The following PINX1 variants were observed in gnomAD, a reference collection of about 807,000 sequenced individuals.
The protein encoded by PINX1 is PIN2 (TERF1) interacting telomerase inhibitor 1.
PINX1 carries 34 observed loss-of-function variants against 25.4 expected under a neutral mutation model. The ratio of observed to expected loss-of-function variants is 1.34; its 90% confidence interval spans 1.02 to 1.78. PINX1 has a LOEUF of 1.78. Among genes scored for constraint, PINX1 ranks in the 40% most tolerant of loss-of-function variants. PINX1 has a pLI of 0.00. For synonymous variants in PINX1, 197 were observed against 147.7 expected, an observed-to-expected ratio of 1.33 and a Z score of -2.42; for missense variants, 592 against 404.9, an observed-to-expected ratio of 1.46 and a Z score of -3.97.
chr8:10,810,237 C>G (rs192965317), intron 6 of PINX1, among the ~76,000 whole-genome samples: 32 of 152,322 alleles, frequency 2.1e-4, no homozygotes, highest in African/African-American at 7.7e-4. Context: ...ATATCAGAAG[C>G]CTTCAGACAA....
chr8:10,779,830 T>A (rs954508713), intron 6 of PINX1, among the ~76,000 whole-genome samples: 1 of 152,128 alleles, frequency 6.6e-6, no homozygotes, highest in Non-Finnish European at 1.5e-5. Context: ...TGAAGACCAA[T>A]CTAGGAAGAA....
intron 6 of PINX1, among the ~76,000 whole-genome samples, chr8:10,807,833 G>C (rs1444034332): frequency 3.9e-5 from 6 of 152,150 alleles, no homozygotes; most frequent in Non-Finnish European, 7.4e-5. Flanking sequence ...AGCAAGGCTG[G>C]GGAAAAGTCC....
intron 6 of PINX1, among the ~76,000 whole-genome samples, chr8:10,776,717 C>A (rs889083235): frequency 6.6e-6 from 1 of 152,086 alleles, no homozygotes; most frequent in Non-Finnish European, 1.5e-5. Flanking sequence ...GAAGGGACCA[C>A]GAGGAAGGGG....
chr8:10,812,393 T>G (rs1291414455), intron 6 of PINX1, among the ~76,000 whole-genome samples: 2 of 152,188 alleles, frequency 1.3e-5, no homozygotes, highest in African/African-American at 2.4e-5. Context: ...TACTCCAGAA[T>G]GAGAGAAGGT....
In PINX1 at chr8:10,765,444, T is replaced by C; in HGVS notation, c.944A>G (p.Glu315Gly). 2 of 1,610,450 alleles carry C rather than the reference T, an allele frequency of 1.2e-6. No homozygotes were observed. Among genetic ancestry groups the C allele is most frequent in the Non-Finnish European group, 1.7e-6 (2 of 1,179,280 alleles). ...CTTCTTCTTTTTCACTAGCGTTTCTTCTAGTGTAGCGTCCTCTGCTATCTC... is the reference window on the plus strand; with the variant it reads ...CTTCTTCTTTTTCACTAGCGTTTCTCCTAGTGTAGCGTCCTCTGCTATCTC... ...PVEIAEDATL[E>G]ETLVKKKKKK... The change falls in exon 7 of 7, where the codon GAA becomes GGA. Residue 315 changes from glutamate (E) to glycine (G), a missense_variant. Physicochemically the swap from Glu to Gly is moderately conservative, Grantham distance 98 (BLOSUM62 -2). Coordinates refer to ENST00000314787, the MANE Select transcript of PINX1 (RefSeq NM_017884.6).
intron 6 of PINX1, among the ~76,000 whole-genome samples, chr8:10,794,846 A>G (rs1211118611): frequency 1.3e-5 from 2 of 152,190 alleles, no homozygotes; most frequent in East Asian, 1.9e-4. Context: ...AGTGACATCA[A>G]TATAACAAGT....
chr8:10,829,234 C>CAAGA (rs1320668683), intron 4 of PINX1, among the ~76,000 whole-genome samples: 1 of 133,164 alleles, frequency 7.5e-6, no homozygotes, highest in Non-Finnish European at 1.5e-5. Flanking sequence ...TGCGGTAAGC[C>CAAGA]AAGATTGTGC....
intron 6 of PINX1, among the ~76,000 whole-genome samples, chr8:10,794,698 G>C (rs899574892): frequency 3.3e-5 from 5 of 152,144 alleles, no homozygotes; most frequent in Admixed American, 1.3e-4. Context: ...AAAGTGCTGG[G>C]ATTACGGGCA....
intron 6 of PINX1, among the ~76,000 whole-genome samples, chr8:10,791,125 T>C (rs1801909421): frequency 6.6e-6 from 1 of 152,070 alleles, no homozygotes; most frequent in Non-Finnish European, 1.5e-5. Context: ...TGTTGGCCAG[T>C]CTGGTCTTGA....
intron 6 of PINX1, among the ~76,000 whole-genome samples, chr8:10,784,421 T>G (rs1346271973): frequency 6.6e-6 from 1 of 152,230 alleles, no homozygotes; most frequent in Non-Finnish European, 1.5e-5. Context: ...ACTTACAAGT[T>G]TCAGCGCTAC....
intron 6 of PINX1, among the ~76,000 whole-genome samples, chr8:10,781,853 T>C (rs1801596809): frequency 6.6e-6 from 1 of 152,016 alleles, no homozygotes; most frequent in South Asian, 2.1e-4. Context: ...CCAAAGCAAA[T>C]CAAATCACCT....
chr8:10,773,577 T>G (rs1801297308), intron 6 of PINX1, among the ~76,000 whole-genome samples: 1 of 152,160 alleles, frequency 6.6e-6, no homozygotes, highest in Non-Finnish European at 1.5e-5. Flanking sequence ...TGGCTGGACT[T>G]TAGTAGAGAA....
chr8:10,815,780 A>G (rs1797678237), intron 6 of PINX1, among the ~76,000 whole-genome samples: 1 of 152,236 alleles, frequency 6.6e-6, no homozygotes, highest in Non-Finnish European at 1.5e-5. Flanking sequence ...TGAAGTTATT[A>G]AGTAAATGAT....
chr8:10,819,648 T>C (rs1482995408), intron 6 of PINX1, among the ~76,000 whole-genome samples: 1 of 152,250 alleles, frequency 6.6e-6, no homozygotes, highest in Non-Finnish European at 1.5e-5. Context: ...TGTAGTTTAG[T>C]CACCCCATTC....
At chr8:10,807,469 T>A (rs2129082025) in intron 6 of PINX1, among the ~76,000 whole-genome samples, 1 of 152,058 alleles carries the variant, frequency 6.6e-6, no homozygotes, top group East Asian at 1.9e-4. Context: ...ACAGCTAATG[T>A]TCCAGAACTC....
At chr8:10,803,950 T>A (rs1802352960) in intron 6 of PINX1, among the ~76,000 whole-genome samples, 1 of 152,216 alleles carries the variant, frequency 6.6e-6, no homozygotes, top group South Asian at 2.1e-4. Context: ...AAACTACCCT[T>A]GATTCCCATG....
chr8:10,800,041 G>A (rs555446110), intron 6 of PINX1, among the ~76,000 whole-genome samples: 27 of 152,288 alleles, frequency 1.8e-4, no homozygotes, highest in Non-Finnish European at 3.2e-4. Context: ...GACACATCCC[G>A]GACTCTTTCT....
intron 6 of PINX1, among the ~76,000 whole-genome samples, chr8:10,815,258 G>C (rs76128179): frequency 0.016 from 2,486 of 152,246 alleles, 78 homozygotes; most frequent in African/African-American, 0.057. Flanking sequence ...TTCTTTATTA[G>C]ACGCAAAAAG....
intron 5 of PINX1, chr8:10,825,324 G>C (rs769063810): frequency 1.9e-6 from 1 of 534,656 alleles, no homozygotes; most frequent in South Asian, 1.4e-5. Flanking sequence ...TATCAAGGTA[G>C]AAACACATCC....
Sources: allele counts gnomAD v4.1 joint callset (sites outside exome capture counted in the v4.1 genomes callset), GRCh38; gene constraint gnomAD v4.1.1; transcripts MANE v1.5; gene names NCBI Gene and HGNC (gene_info 2026-07-23, HGNC 2026-07-21).